ZNF519: variants seen among roughly 807,000 people sequenced by gnomAD.
The protein encoded by ZNF519 is similar to Zinc finger protein 85 (Zinc finger protein HPF4) (HTF1).
Under a neutral mutation model 7.4 loss-of-function variants are expected in ZNF519, and 7 were observed. The observed-to-expected ratio is 0.94, with a 90% CI of 0.54 to 1.77. ZNF519 has a LOEUF of 1.77. ZNF519 is among the 40% of genes most tolerant of loss of function. The pLI is 0.00. For synonymous variants in ZNF519, 179 were observed against 203.3 expected, an observed-to-expected ratio of 0.88 and a Z score of 1.02; for missense variants, 586 against 623.1, an observed-to-expected ratio of 0.94 and a Z score of 0.63.
At chr18:14,091,980 A>G (rs1233834908) in intron 2 of ZNF519, among the ~76,000 whole-genome samples, 2 of 152,172 alleles carry the variant, frequency 1.3e-5, no homozygotes, top group African/African-American at 4.8e-5. Context: ...CAAGGGTCAG[A>G]TGATGGAGGG....
chr18:14,110,191 C>T (rs1015460408), intron 2 of ZNF519, among the ~76,000 whole-genome samples: 9 of 152,048 alleles, frequency 5.9e-5, no homozygotes, highest in African/African-American at 2.2e-4. Context: ...ATACAAAAAT[C>T]AATTCAAGAT....
At chr18:14,099,272 T>C (rs2046149788), downstream of ZNF519, among the ~76,000 whole-genome samples, 1 of 152,104 alleles carries the variant, frequency 6.6e-6, no homozygotes, top group Non-Finnish European at 1.5e-5. Context: ...AAAAAATACT[T>C]CTTCCTTATT....
intron 1 of ZNF519, among the ~76,000 whole-genome samples, chr18:14,127,246 A>G (rs1280565751): frequency 6.6e-5 from 10 of 152,280 alleles, no homozygotes; most frequent in Admixed American, 2.6e-4. Context: ...AAGATCTGGA[A>G]AACTCAAAGG....
rs760207089 is a variant in ZNF519, at chr18:14,106,254, C to A, written c.286G>T (p.Glu96Ter). 6.2e-7 allele frequency: 1 copy of A among 1,613,264 alleles called. No homozygotes were observed. Among genetic ancestry groups the A allele is most frequent in the Non-Finnish European group, 8.5e-7 (1 of 1,179,908 alleles). ...ESIGEGEGQK[E>*]CYNLCSQYLT... ...TATTGGCTACATAGATTATAACATT[C>A]CTTTTGTCCTTCACCTTCACCTATA... Residue 96 changes from glutamate (E) to a stop codon, truncating the protein, a stop_gained, in exon 3 of 3, where the codon GAA (glutamate) becomes TAA (stop). Transcript: ENST00000590202. LOFTEE classifies it low-confidence loss of function (END_TRUNC).
intron 2 of ZNF519, among the ~76,000 whole-genome samples, chr18:14,088,129 C>T (rs2046099228): frequency 6.6e-6 from 1 of 152,194 alleles, no homozygotes; most frequent in South Asian, 2.1e-4. Flanking sequence ...TATTACTTAA[C>T]ACCTATGTGA....
At chr18:14,126,786 A>T (rs1567956306) in intron 1 of ZNF519, among the ~76,000 whole-genome samples, 1 of 152,178 alleles carries the variant, frequency 6.6e-6, no homozygotes, top group Non-Finnish European at 1.5e-5. Context: ...CCCTGGCTGA[A>T]CCATTTCTCT....
At chr18:14,108,573 A>C (rs1308969159) in intron 2 of ZNF519, among the ~76,000 whole-genome samples, 3 of 152,094 alleles carry the variant, frequency 2.0e-5, no homozygotes, top group Non-Finnish European at 4.4e-5. Flanking sequence ...ATGTAAATCG[A>C]CTAAACTCTC....
chr18:14,079,354 T>C (rs1194427437), intron 3 of ZNF519, among the ~76,000 whole-genome samples: 1 of 152,190 alleles, frequency 6.6e-6, no homozygotes, highest in East Asian at 1.9e-4. Flanking sequence ...TATCTACATA[T>C]TCAGAGTAAT....
chr18:14,127,474 C>A (rs545368708), intron 1 of ZNF519, among the ~76,000 whole-genome samples: 1 of 152,166 alleles, frequency 6.6e-6, no homozygotes, highest in Non-Finnish European at 1.5e-5. Flanking sequence ...GAGGAAAGAT[C>A]CTCTCATGGA....
chr18:14,113,373 C>T (rs2046231120), intron 2 of ZNF519, among the ~76,000 whole-genome samples: 1 of 152,158 alleles, frequency 6.6e-6, no homozygotes, highest in Admixed American at 6.5e-5. Context: ...CTCCCACCTA[C>T]CCATGACCTG....
At chr18:14,091,936 G>T (rs1189310949) in intron 2 of ZNF519, among the ~76,000 whole-genome samples, 2 of 152,150 alleles carry the variant, frequency 1.3e-5, no homozygotes, top group Admixed American at 1.3e-4. Context: ...TGAATTCAGT[G>T]AACGATGGCC....
chr18:14,118,762 G>C (rs981965647), intron 2 of ZNF519, among the ~76,000 whole-genome samples: 1 of 152,166 alleles, frequency 6.6e-6, no homozygotes, highest in Non-Finnish European at 1.5e-5. Context: ...TATCAAGAGA[G>C]ATGCAGGAAG....
intron 2 of ZNF519, among the ~76,000 whole-genome samples, chr18:14,115,310 T>C (rs913945180): frequency 6.6e-6 from 1 of 152,208 alleles, no homozygotes; most frequent in East Asian, 1.9e-4. Context: ...TATCCAAAGA[T>C]GGGGTTTGGC....
At position 14,104,027 on chromosome 18, in the gene ZNF519, TTC is replaced by T. The variant is rs2046175025; in HGVS notation, c.*888_*889del. 6.6e-6 allele frequency: 1 copy of T among 152,192 alleles called. No individual in the cohort carries two copies. The highest frequency in any genetic ancestry group is 1.5e-5 in the Non-Finnish European group (1 of 68,014). The allele number at this position is 152,192 out of a possible 1,614,324, so 9.4% of individuals were successfully genotyped here. On this transcript the variant is annotated 3_prime_UTR_variant, in exon 3 of 3. Coordinates refer to ENST00000590202, the MANE Select transcript of ZNF519 (RefSeq NM_145287.4). Reference sequence around the variant, plus strand: ...CCATGACCTATGTTAAAAAAATGTGTTCTCTCTTTTCTTAAACTGAGCCTAAG... The same window carrying T: ...CCATGACCTATGTTAAAAAAATGTGTTCTCTTTTCTTAAACTGAGCCTAAG...
intron 2 of ZNF519, among the ~76,000 whole-genome samples, chr18:14,089,674 T>C (rs550293506): frequency 1.3e-5 from 2 of 152,314 alleles, no homozygotes; most frequent in African/African-American, 2.4e-5. Flanking sequence ...CATATATTGA[T>C]AAGGCTGTTG....
chr18:14,130,313 G>A (rs890220984), intron 1 of ZNF519, among the ~76,000 whole-genome samples: 4 of 152,026 alleles, frequency 2.6e-5, no homozygotes, highest in Admixed American at 1.3e-4. Flanking sequence ...AGGGTTGAAC[G>A]CTCTCTGATT....
chr18:14,129,484 G>A (rs2046318990), intron 1 of ZNF519, among the ~76,000 whole-genome samples: 1 of 152,064 alleles, frequency 6.6e-6, no homozygotes, highest in Admixed American at 6.6e-5. Flanking sequence ...CTCACAGTAG[G>A]AGGAGACCTG....
At chr18:14,071,299 G>C (rs926884241), downstream of ZNF519, 1 of 151,902 alleles carries the variant, frequency 6.6e-6, no homozygotes, top group African/African-American at 2.4e-5. Context: ...TTCTAAAACA[G>C]GCATAATTCA....
chr18:14,099,616 A>C (rs1662403768), downstream of ZNF519, among the ~76,000 whole-genome samples: 1 of 152,230 alleles, frequency 6.6e-6, no homozygotes, highest in South Asian at 2.1e-4. Flanking sequence ...TAAAGACATT[A>C]CTTCACATTT....
Sources: gnomAD v4.1 joint callset for allele counts (sites outside exome capture counted in the v4.1 genomes callset) on GRCh38, gnomAD v4.1.1 for gene constraint, MANE v1.5 for transcripts, NCBI Gene and HGNC (gene_info 2026-07-23, HGNC 2026-07-21) for gene names.